SLC8A1: variants seen among roughly 807,000 people sequenced by gnomAD.
SLC8A1 encodes the protein sodium/calcium exchanger 1.
Under a neutral mutation model 68.3 loss-of-function variants are expected in SLC8A1, and 18 were observed. That is an observed-to-expected ratio of 0.26 (90% CI 0.18 to 0.39). The LOEUF is 0.39. SLC8A1 is among the 10% of genes least tolerant of loss of function. The probability of loss-of-function intolerance (pLI) is 1.00; values close to 1 mark genes in which losing one functional copy is unlikely to be tolerated. For synonymous variants in SLC8A1, 475 were observed against 415.5 expected, an observed-to-expected ratio of 1.14 and a Z score of -1.74; for missense variants, 985 against 1,156.7, an observed-to-expected ratio of 0.85 and a Z score of 2.15.
chr2:40,273,784 G>T (rs1010072469), intron 2 of SLC8A1, among the ~76,000 whole-genome samples: 1 of 151,760 alleles, frequency 6.6e-6, no homozygotes, highest in South Asian at 2.1e-4. Context: ...TGAAACTCCC[G>T]ATAAGGCACT....
At chr2:40,360,052 A>C (rs1381983823) in intron 2 of SLC8A1, among the ~76,000 whole-genome samples, 2 of 152,214 alleles carry the variant, frequency 1.3e-5, no homozygotes, top group African/African-American at 4.8e-5. Context: ...ATGTGCCAGA[A>C]GTTTTAAGTG....
intron 1 of SLC8A1, among the ~76,000 whole-genome samples, chr2:40,437,532 G>A (rs1433870303): frequency 6.6e-6 from 1 of 152,080 alleles, no homozygotes. Context: ...AGCAAATGAA[G>A]AAAGAATCCC....
intron 2 of SLC8A1, chr2:40,209,055 A>G (rs538516911): frequency 1.2e-4 from 18 of 152,290 alleles, no homozygotes; most frequent in Middle Eastern, 6.8e-3. Context: ...GAAGAAAAAA[A>G]AAATCCTTGT....
At chr2:40,253,698 G>A (rs1221271398) in intron 2 of SLC8A1, among the ~76,000 whole-genome samples, 1 of 151,760 alleles carries the variant, frequency 6.6e-6, no homozygotes, top group Non-Finnish European at 1.5e-5. Flanking sequence ...ATGGTGGTGG[G>A]CACTTGTAAT....
chr2:40,229,097 T>C (rs1176652276), intron 2 of SLC8A1, among the ~76,000 whole-genome samples: 1 of 152,148 alleles, frequency 6.6e-6, no homozygotes, highest in East Asian at 1.9e-4. Flanking sequence ...ACCATAACCA[T>C]AAAGCTGAAA....
chr2:40,208,663 C>G (rs990759531), intron 2 of SLC8A1, among the ~76,000 whole-genome samples: 1 of 152,140 alleles, frequency 6.6e-6, no homozygotes, highest in Non-Finnish European at 1.5e-5. Context: ...ATCCTATAAA[C>G]AGGAAAGAGT....
chr2:40,293,299 T>G (rs1055495034), intron 2 of SLC8A1, among the ~76,000 whole-genome samples: 3 of 152,138 alleles, frequency 2.0e-5, no homozygotes, highest in African/African-American at 7.2e-5. Context: ...TAACATGAAG[T>G]AGGAGTTACA....
rs1194178867 is a variant in SLC8A1, at chr2:40,232,916, A to G, written c.1809-55061T>C. ...TTCCAATTTCATCCATGTCCCTACAAAGGACATGAACTCATCCTTTTTTAT... is the reference window on the plus strand; with the variant it reads ...TTCCAATTTCATCCATGTCCCTACAGAGGACATGAACTCATCCTTTTTTAT... On this transcript the variant is annotated intron_variant, in intron 2 of 7. Transcript: ENST00000406785. Among the ~76,000 whole-genome samples the G allele has an allele frequency of 3.3e-5, 5 of 150,440 alleles. No individual in the cohort carries two copies. In the East Asian group the frequency reaches 9.7e-4, roughly 29 times the overall value.
chr2:40,446,852 A>G (rs1219592234), intron 1 of SLC8A1, among the ~76,000 whole-genome samples: 2 of 152,260 alleles, frequency 1.3e-5, no homozygotes, highest in African/African-American at 2.4e-5. Context: ...TCCCTGGCAC[A>G]TAAAAAGTGC....
chr2:40,438,975 T>C (rs1248890738), intron 1 of SLC8A1, among the ~76,000 whole-genome samples: 2 of 152,140 alleles, frequency 1.3e-5, no homozygotes, highest in East Asian at 3.9e-4. Context: ...AAAACAGTGT[T>C]TGTTCTAATA....
chr2:40,445,228 T>C (rs113475243), intron 1 of SLC8A1, among the ~76,000 whole-genome samples: 1 of 152,244 alleles, frequency 6.6e-6, no homozygotes, highest in South Asian at 2.1e-4. Flanking sequence ...ATGCCATCTT[T>C]TGAATTCAAA....
At chr2:40,266,069 T>C (rs984949094) in intron 2 of SLC8A1, among the ~76,000 whole-genome samples, 11 of 152,182 alleles carry the variant, frequency 7.2e-5, no homozygotes, top group Admixed American at 4.6e-4. Flanking sequence ...TCAGAATTCT[T>C]AGGTTTTTGT....
intron 2 of SLC8A1, among the ~76,000 whole-genome samples, chr2:40,333,893 A>G (rs1421400787): frequency 6.6e-6 from 1 of 152,110 alleles, no homozygotes; most frequent in Admixed American, 6.5e-5. Context: ...TACTAAAAAT[A>G]CAAAATTAGC....
intron 2 of SLC8A1, among the ~76,000 whole-genome samples, chr2:40,426,310 T>C (rs1696841973): frequency 6.6e-6 from 1 of 151,980 alleles, no homozygotes; most frequent in African/African-American, 2.4e-5. Flanking sequence ...TAAGAACATA[T>C]ATATAGAGAT....
At chr2:40,433,844 G>C (rs1489793538) in intron 1 of SLC8A1, among the ~76,000 whole-genome samples, 1 of 152,154 alleles carries the variant, frequency 6.6e-6, no homozygotes, top group Non-Finnish European at 1.5e-5. Flanking sequence ...AAAGCCTCTT[G>C]GCTTCCATGC....
rs1356283073 is a variant in SLC8A1 at position 40,483,153 on chromosome 2, A to G, written c.-25+29196T>C. Among the ~76,000 whole-genome samples, 3 of 151,650 alleles carry G rather than the reference A, an allele frequency of 2.0e-5. No individual in the cohort carries two copies. The East Asian group carries it at 5.8e-4, about 29-fold the overall frequency. ...AACTAAAGTGCTGAAGACAATAAATAAAAATATACAATAATTAGCTGAACA... is the reference window on the plus strand; with the variant it reads ...AACTAAAGTGCTGAAGACAATAAATGAAAATATACAATAATTAGCTGAACA... On this transcript the variant is annotated intron_variant, in intron 1 of 7. Coordinates refer to the SLC8A1 transcript ENST00000402441.
upstream of SLC8A1, among the ~76,000 whole-genome samples, chr2:40,454,800 A>G (rs186695672): frequency 3.9e-5 from 6 of 152,284 alleles, no homozygotes; most frequent in South Asian, 6.2e-4. Flanking sequence ...AATGTCATAC[A>G]TGAGTGAGTT....
chr2:40,176,019 G>A (rs1221827019), intron 3 of SLC8A1: 2 of 445,372 alleles, frequency 4.5e-6, no homozygotes, highest in South Asian at 3.2e-5. Context: ...AAACTGACAG[G>A]GCATTGGGTT....
intron 2 of SLC8A1, among the ~76,000 whole-genome samples, chr2:40,407,899 C>A (rs1160198614): frequency 1.3e-5 from 2 of 152,194 alleles, no homozygotes; most frequent in East Asian, 3.9e-4. Context: ...TCTGAGGTGA[C>A]TTTTCTATCC....
Sources: allele counts gnomAD v4.1 joint callset (sites outside exome capture counted in the v4.1 genomes callset), GRCh38; gene constraint gnomAD v4.1.1; transcripts MANE v1.5; gene names NCBI Gene and HGNC (gene_info 2026-07-23, HGNC 2026-07-21).